The following HS3ST2 variants were observed in gnomAD, a reference collection of about 807,000 sequenced individuals.
The protein encoded by HS3ST2 is heparan sulfate-glucosamine 3-sulfotransferase 2.
A neutral mutation model predicts 26.3 loss-of-function variants in HS3ST2; 17 were observed. The ratio of observed to expected loss-of-function variants is 0.65; its 90% CI spans 0.44 to 0.97. The LOEUF (loss-of-function observed/expected upper bound fraction) is 0.97. Among genes scored for constraint, HS3ST2 ranks in the 50% least tolerant of loss-of-function variants. The pLI is 0.00. For missense variants in HS3ST2, 402 were observed against 501.2 expected (o/e 0.80, Z 1.89); for synonymous variants, 237 against 219.2 (o/e 1.08, Z -0.72).
At chr16:22,845,875 AG>A (rs1247968933) in intron 1 of HS3ST2, among the ~76,000 whole-genome samples, 1 of 152,202 alleles carries the variant, frequency 6.6e-6, no homozygotes, top group African/African-American at 2.4e-5. Context: ...TCATGACAAA[AG>A]GCCCTTATTG....
intron 1 of HS3ST2, among the ~76,000 whole-genome samples, chr16:22,870,057 C>A (rs1901812747): frequency 6.6e-6 from 1 of 152,102 alleles, no homozygotes; most frequent in Non-Finnish European, 1.5e-5. Flanking sequence ...TATCTCCAAG[C>A]CTACAGGTAA....
intron 1 of HS3ST2, among the ~76,000 whole-genome samples, chr16:22,831,100 C>T (rs1901160378): frequency 6.6e-6 from 1 of 152,202 alleles, no homozygotes; most frequent in Non-Finnish European, 1.5e-5. Flanking sequence ...TAATGACATT[C>T]TAGAACCCAA....
At position 22,915,101 on chromosome 16, in the gene HS3ST2, T is replaced by C; in HGVS notation, c.643T>C (p.Tyr215His). 1 of 1,614,052 alleles carries C rather than the reference T, an allele frequency of 6.2e-7. No individual in the cohort carries two copies. The highest frequency in any genetic ancestry group is 8.5e-7 in the Non-Finnish European group (1 of 1,180,000). Reference sequence around the variant, plus strand: ...CCCTGTGACCCGTGCCATCTCTGATTACACGCAGACACTCTCCAAGAAGCC... The same window carrying C: ...CCCTGTGACCCGTGCCATCTCTGATCACACGCAGACACTCTCCAAGAAGCC... ...RNPVTRAISDYTQTLSKKPDI... is the reference protein window; with the variant it reads ...RNPVTRAISDHTQTLSKKPDI... Residue 215 changes from tyrosine to histidine, a missense_variant, in exon 2 of 2, where the codon TAC becomes CAC. Coordinates refer to ENST00000261374, the MANE Select transcript of HS3ST2 (RefSeq NM_006043.2).
At chr16:22,841,049 G>A (rs1346214804) in intron 1 of HS3ST2, among the ~76,000 whole-genome samples, 1 of 142,010 alleles carries the variant, frequency 7.0e-6, no homozygotes, top group Non-Finnish European at 1.5e-5. Flanking sequence ...CCACCTATGA[G>A]TGAGAGCAAC....
chr16:22,910,182 G>T (rs1238663106), intron 1 of HS3ST2, among the ~76,000 whole-genome samples: 6 of 152,192 alleles, frequency 3.9e-5, no homozygotes, highest in Admixed American at 3.9e-4. Flanking sequence ...GTAACAAAAA[G>T]AGATGTTAAT....
chr16:22,855,230 G>C (rs1316248364), intron 1 of HS3ST2, among the ~76,000 whole-genome samples: 1 of 152,010 alleles, frequency 6.6e-6, no homozygotes, highest in Non-Finnish European at 1.5e-5. Context: ...ATTTGGGTCT[G>C]GCATGTCCTC....
intron 1 of HS3ST2, among the ~76,000 whole-genome samples, chr16:22,876,126 C>T (rs1901912693): frequency 1.3e-5 from 2 of 152,258 alleles, no homozygotes; most frequent in African/African-American, 4.8e-5. Context: ...TTCTTCCCTC[C>T]CAAGTTCAAA....
chr16:22,814,922 C>A lies in HS3ST2; in HGVS notation c.312C>A (p.Ser104=). The change falls in exon 1 of 2, where the codon TCC becomes TCA. Residue 104 remains serine (S), a synonymous_variant. Transcript: ENST00000261374. ...PAPRLSGSNH[S]GSPKLGTKRL... ...CTCGCCTCTCCGGTTCCAACCACTCCGGCTCACCCAAGCTGGGTACCAAGC... is the reference window on the plus strand; with the variant it reads ...CTCGCCTCTCCGGTTCCAACCACTCAGGCTCACCCAAGCTGGGTACCAAGC... The A allele has an allele frequency of 6.2e-7, 1 of 1,600,592 alleles. No individual in the cohort carries two copies.
rs770036341 is a variant in HS3ST2, at chr16:22,814,679, C to T, written c.69C>T (p.Ala23=). The change falls in exon 1 of 2, where the codon GCC becomes GCT. Residue 23 remains alanine (A), a synonymous_variant. Coordinates refer to ENST00000261374, the MANE Select transcript of HS3ST2 (RefSeq NM_006043.2). ...QPRRARRLLF[A]FTLSLSCTYL... The stretch of plus-strand genomic sequence containing the variant: ...GGAGGGCGCGCAGGCTGCTCTTCGC[C>T]TTCACGCTCTCGCTCTCCTGCACTT... 1.3e-6 allele frequency: 2 copies of T among 1,597,760 alleles called. No homozygotes were observed. The highest frequency in any genetic ancestry group is 2.3e-5 in the South Asian group (2 of 88,410).
chr16:22,903,953 G>T (rs1902315252), intron 1 of HS3ST2, among the ~76,000 whole-genome samples: 1 of 152,172 alleles, frequency 6.6e-6, no homozygotes, highest in Non-Finnish European at 1.5e-5. Context: ...TGCCCCTTCA[G>T]CTTTATCAAC....
chr16:22,845,087 C>T (rs1901412730), intron 1 of HS3ST2, among the ~76,000 whole-genome samples: 2 of 147,978 alleles, frequency 1.4e-5, no homozygotes, highest in East Asian at 2.0e-4. Flanking sequence ...ATCTCCTGAC[C>T]TTGTGATCCG....
At chr16:22,886,865 G>A (rs1416847266) in intron 1 of HS3ST2, among the ~76,000 whole-genome samples, 1 of 151,666 alleles carries the variant, frequency 6.6e-6, no homozygotes, top group Non-Finnish European at 1.5e-5. Context: ...GGCTCAAACG[G>A]TCCTCCCACC....
intron 1 of HS3ST2, among the ~76,000 whole-genome samples, chr16:22,837,594 CAT>C (rs1329241393): frequency 1.4e-5 from 2 of 141,880 alleles, no homozygotes; most frequent in African/African-American, 2.6e-5. Context: ...CACACACGGA[CAT>C]ATATATATTG....
intron 1 of HS3ST2, among the ~76,000 whole-genome samples, chr16:22,850,579 G>T (rs1901503620): frequency 6.6e-6 from 1 of 152,114 alleles, no homozygotes; most frequent in Non-Finnish European, 1.5e-5. Context: ...TTGAGGTCAG[G>T]AGTTCGCGAT....
chr16:22,869,799 C>A (rs966209207), intron 1 of HS3ST2, among the ~76,000 whole-genome samples: 1 of 152,110 alleles, frequency 6.6e-6, no homozygotes, highest in Non-Finnish European at 1.5e-5. Flanking sequence ...CAAACCATAT[C>A]AAAAACCTAA....
Position 22,915,357 on chromosome 16 carries a change from A to G in HS3ST2, c.899A>G (p.Asp300Gly). The G allele has an allele frequency of 6.2e-7, 1 of 1,614,108 alleles. No individual in the cohort carries two copies. Among genetic ancestry groups the G allele is most frequent in the Non-Finnish European group, 8.5e-7 (1 of 1,180,022 alleles). Residue 300 changes from aspartate (D) to glycine (G), a missense_variant, in exon 2 of 2, where the codon GAC becomes GGC. Asp to Gly is a moderately conservative substitution (Grantham distance 94). Coordinates refer to ENST00000261374, the MANE Select transcript of HS3ST2 (RefSeq NM_006043.2). ...CTGGGCATTAAGAGATTCATCACGG[A>G]CAAGCACTTCTATTTCAACAAGACC... The part of the protein sequence containing the change: ...DFLGIKRFIT[D>G]KHFYFNKTKG...
intron 1 of HS3ST2, among the ~76,000 whole-genome samples, chr16:22,880,095 T>C (rs745311500): frequency 3.9e-5 from 6 of 152,158 alleles, no homozygotes; most frequent in Non-Finnish European, 5.9e-5. Context: ...TCATAGCTGC[T>C]AACTCTCCTA....
intron 1 of HS3ST2, among the ~76,000 whole-genome samples, chr16:22,861,554 C>T (rs1901674569): frequency 6.6e-6 from 1 of 152,074 alleles, no homozygotes; most frequent in Non-Finnish European, 1.5e-5. Context: ...GGCATCTGAG[C>T]TGTCATCTGA....
intron 1 of HS3ST2, among the ~76,000 whole-genome samples, chr16:22,888,393 C>CT (rs752179930): frequency 0.13 from 11,493 of 91,182 alleles, 544 homozygotes; most frequent in Non-Finnish European, 0.18. Flanking sequence ...TTTTTTTTTT[C>CT]TTTTTTTTTT....
Sources: allele counts gnomAD v4.1 joint callset (sites outside exome capture counted in the v4.1 genomes callset), GRCh38; gene constraint gnomAD v4.1.1; transcripts MANE v1.5; gene names NCBI Gene and HGNC (gene_info 2026-07-23, HGNC 2026-07-21).